Variants in MVB12B observed in about 807,000 individuals in gnomAD.
MVB12B encodes ESCRT-I complex subunit MVB12B.
MVB12B carries 16 observed loss-of-function variants against 41.6 expected under a neutral mutation model. The observed-to-expected ratio is 0.38, with a 90% CI of 0.26 to 0.58. The LOEUF (loss-of-function observed/expected upper bound fraction) is 0.58, where lower values mean the gene tolerates loss of function less well. Ranked by LOEUF, MVB12B falls within the 20% of genes least tolerant of loss-of-function variation. The probability of loss-of-function intolerance (pLI) is 0.62; values close to 1 mark genes in which losing one functional copy is unlikely to be tolerated. For synonymous variants in MVB12B, 133 were observed against 139.7 expected (o/e 0.95, Z 0.34); for missense variants, 274 against 380.2 (o/e 0.72, Z 2.32).
At chr9:126,495,414 C>T (rs1833810005) in intron 9 of MVB12B, among the ~76,000 whole-genome samples, 1 of 152,230 alleles carries the variant, frequency 6.6e-6, no homozygotes, top group African/African-American at 2.4e-5. Context: ...ATTTCCACCA[C>T]AAAATGTGCT....
At chr9:126,331,700 T>C (rs1829135839) in intron 1 of MVB12B, among the ~76,000 whole-genome samples, 1 of 152,256 alleles carries the variant, frequency 6.6e-6, no homozygotes, top group South Asian at 2.1e-4. Context: ...TAGTTTAACT[T>C]GCCTAAGGTT....
intron 2 of MVB12B, among the ~76,000 whole-genome samples, chr9:126,347,740 C>T (rs1341268139): frequency 4.6e-5 from 7 of 152,128 alleles, no homozygotes; most frequent in Admixed American, 2.0e-4. Context: ...TTAAAAATCA[C>T]GTTATGAAAA....
At chr9:126,484,060 G>A (rs777408210) in intron 9 of MVB12B, 28 bp downstream of exon 9, 4 of 1,609,486 alleles carry the variant, frequency 2.5e-6, no homozygotes, top group Non-Finnish European at 3.4e-6. Context: ...GGAGGGGAGG[G>A]CAGGCCTGGG....
At chr9:126,454,439 C>G (rs539095689) in intron 7 of MVB12B, among the ~76,000 whole-genome samples, 1 of 152,200 alleles carries the variant, frequency 6.6e-6, no homozygotes, top group Non-Finnish European at 1.5e-5. Flanking sequence ...GAAATGTTTC[C>G]TGTGTAGGCA....
chr9:126,365,060 G>C (rs1055370596), intron 2 of MVB12B, among the ~76,000 whole-genome samples: 1 of 138,918 alleles, frequency 7.2e-6, no homozygotes, highest in Admixed American at 7.2e-5. Flanking sequence ...CCTGTTTTTT[G>C]GGATTTTTTT....
At chr9:126,451,832 G>A (rs955662307) in intron 7 of MVB12B, among the ~76,000 whole-genome samples, 3 of 152,174 alleles carry the variant, frequency 2.0e-5, no homozygotes, top group Non-Finnish European at 4.4e-5. Flanking sequence ...GGTAAGCAAT[G>A]AAAAGCCAGG....
chr9:126,417,806 C>T (rs1490091749), intron 6 of MVB12B, among the ~76,000 whole-genome samples: 1 of 152,156 alleles, frequency 6.6e-6, no homozygotes. Context: ...ACTCAGGCAT[C>T]CAATCCAGTC....
chr9:126,407,633 G>A (rs76341246), intron 6 of MVB12B, among the ~76,000 whole-genome samples: 2 of 151,742 alleles, frequency 1.3e-5, no homozygotes, highest in South Asian at 2.1e-4. Context: ...CCCCACCGAC[G>A]CCCTCACAAC....
intron 9 of MVB12B, among the ~76,000 whole-genome samples, chr9:126,500,345 A>AGCATCCAAAGTGGAGC (rs2119240592): frequency 6.6e-6 from 1 of 152,238 alleles, no homozygotes; most frequent in South Asian, 2.1e-4. Flanking sequence ...ATGGCCTTGG[A>AGCATCCAAAGTGGAGC]GCATCCAAAG....
intron 9 of MVB12B, among the ~76,000 whole-genome samples, chr9:126,484,386 T>C (rs1391849552): frequency 1.3e-5 from 2 of 152,248 alleles, no homozygotes; most frequent in East Asian, 1.9e-4. Context: ...TCCATTTGTT[T>C]TGTTTTATTA....
chr9:126,399,592 G>A (rs938435482), intron 6 of MVB12B, among the ~76,000 whole-genome samples: 1 of 152,326 alleles, frequency 6.6e-6, no homozygotes, highest in Admixed American at 6.5e-5. Flanking sequence ...ACCTGTTTCT[G>A]CTGGGAAGAA....
intron 9 of MVB12B, among the ~76,000 whole-genome samples, chr9:126,502,545 C>G (rs1461126480): frequency 7.2e-6 from 1 of 138,450 alleles, no homozygotes; most frequent in Non-Finnish European, 1.5e-5. Flanking sequence ...GGTCCCCCCA[C>G]CGGGCAGCTG....
intron 2 of MVB12B, among the ~76,000 whole-genome samples, chr9:126,371,241 G>A (rs1041518013): frequency 2.6e-5 from 4 of 152,252 alleles, no homozygotes; most frequent in African/African-American, 7.2e-5. Context: ...GAGGTCCAGG[G>A]CCGTGTCATA....
chr9:126,393,752 C>T (rs1289548173), intron 5 of MVB12B, among the ~76,000 whole-genome samples: 1 of 152,234 alleles, frequency 6.6e-6, no homozygotes, highest in Non-Finnish European at 1.5e-5. Context: ...TGGTTTACAG[C>T]CCCCTCAGCC....
chr9:126,396,287 G>A (rs548042773), intron 6 of MVB12B: 6 of 985,712 alleles, frequency 6.1e-6, no homozygotes, highest in Middle Eastern at 1.0e-3. Flanking sequence ...GGTAGTAACA[G>A]TCTCTACACT....
At chr9:126,494,490 C>T (rs184797714) in intron 9 of MVB12B, among the ~76,000 whole-genome samples, 119 of 152,350 alleles carry the variant, frequency 7.8e-4, no homozygotes, top group African/African-American at 2.5e-3. Context: ...GAGTCATACC[C>T]GCTCATGCAG....
intron 1 of MVB12B, among the ~76,000 whole-genome samples, chr9:126,331,164 T>C (rs921623578): frequency 1.3e-5 from 2 of 152,190 alleles, no homozygotes; most frequent in African/African-American, 2.4e-5. Flanking sequence ...TATTTATAAT[T>C]TTCTGCGGAA....
At chr9:126,438,615 G>A (rs1169567570) in intron 7 of MVB12B, among the ~76,000 whole-genome samples, 4 of 152,214 alleles carry the variant, frequency 2.6e-5, no homozygotes, top group East Asian at 1.9e-4. Context: ...GTACTCAGCC[G>A]ACTCACTCCA....
intron 7 of MVB12B, among the ~76,000 whole-genome samples, chr9:126,445,381 A>T (rs1337013255): frequency 1.3e-5 from 2 of 152,122 alleles, no homozygotes; most frequent in Admixed American, 1.3e-4. Flanking sequence ...ATCTCGGCTC[A>T]CTGCAACCTC....
Sources: gnomAD v4.1 joint callset for allele counts (sites outside exome capture counted in the v4.1 genomes callset) on GRCh38, gnomAD v4.1.1 for gene constraint, MANE v1.5 for transcripts, NCBI Gene and HGNC (gene_info 2026-07-23, HGNC 2026-07-21) for gene names.